Variants in ADAMTS16 observed in about 807,000 individuals in gnomAD.
ADAMTS16 encodes the protein ADAM metallopeptidase with thrombospondin type 1 motif 16.
A neutral mutation model predicts 145.8 loss-of-function variants in ADAMTS16; 94 were observed. The observed-to-expected ratio is 0.64, with a 90% CI of 0.55 to 0.77. The LOEUF is 0.77. ADAMTS16 is among the 30% of genes least tolerant of loss of function. The pLI is 0.00. For missense variants in ADAMTS16, 1,585 were observed against 1,591.5 expected (o/e 1.00, Z 0.07); for synonymous variants, 659 against 604.3 (o/e 1.09, Z -1.33).
At chr5:5,166,099 A>G (rs1187860703) in intron 3 of ADAMTS16, among the ~76,000 whole-genome samples, 1 of 152,138 alleles carries the variant, frequency 6.6e-6, no homozygotes, top group Non-Finnish European at 1.5e-5. Flanking sequence ...TGATAACTCT[A>G]AAATATCTCT....
intron 17 of ADAMTS16, among the ~76,000 whole-genome samples, chr5:5,262,187 A>G (rs1033495263): frequency 6.6e-6 from 1 of 152,188 alleles, no homozygotes; most frequent in African/African-American, 2.4e-5. Context: ...AGCTCTGTGC[A>G]TTCTCTGGTG....
At chr5:5,208,174 CCTGAG>C (rs1317922168) in intron 9 of ADAMTS16, among the ~76,000 whole-genome samples, 2 of 152,112 alleles carry the variant, frequency 1.3e-5, no homozygotes, top group Admixed American at 1.3e-4. Flanking sequence ...TGCACGGAGT[CCTGAG>C]CTCTGAAGCA....
chr5:5,221,061 C>G (rs765351029), intron 10 of ADAMTS16, among the ~76,000 whole-genome samples: 1 of 152,072 alleles, frequency 6.6e-6, no homozygotes, highest in African/African-American at 2.4e-5. Context: ...CCTAGTCTCC[C>G]GTTCTGACCT....
intron 17 of ADAMTS16, among the ~76,000 whole-genome samples, chr5:5,248,150 ATTTT>A (rs1389788026): frequency 6.6e-6 from 1 of 151,952 alleles, no homozygotes; most frequent in Admixed American, 6.5e-5. Flanking sequence ...AATTCGTTTG[ATTTT>A]TTTTCTTTTT....
chr5:5,227,526 TG>T (rs1419071104), intron 11 of ADAMTS16, among the ~76,000 whole-genome samples: 1 of 149,948 alleles, frequency 6.7e-6, no homozygotes, highest in Non-Finnish European at 1.5e-5. Flanking sequence ...TGTGTGTGTG[TG>T]TGTGTGTGTG....
chr5:5,262,735 G>A lies in ADAMTS16; in HGVS notation c.2741G>A (p.Arg914Gln), dbSNP rs758968575. Residue 914 changes from arginine (R) to glutamine (Q), a missense_variant, in exon 18 of 23, where the codon CGA becomes CAA. Arg to Gln is a conservative substitution (Grantham distance 43). This residue lies in a region of ADAMTS16 where 834 missense variants were observed against 811.7 expected (regional missense o/e 1.03). Transcript: ENST00000274181. ...VNMSFCNPKT[R>Q]PVTGLVPCKV... ...ATGTCCTTCTGCAATCCCAAGACAC[G>A]ACCTGTCACGGGGCTGGTGCCTTGC... is the stretch of plus-strand genomic sequence containing the variant. 9 of 1,614,212 alleles carry A rather than the reference G, an allele frequency of 5.6e-6. No individual in the cohort carries two copies. Among genetic ancestry groups the A allele is most frequent in the South Asian group, 1.1e-5 (1 of 91,070 alleles).
At chr5:5,193,162 TGCGC>T (rs1194988659) in intron 8 of ADAMTS16, among the ~76,000 whole-genome samples, 1,074 of 107,050 alleles carry the variant, frequency 0.01, 14 homozygotes, top group African/African-American at 0.028. Context: ...TGTGTGTGTG[TGCGC>T]GCGCGCACAT....
At chr5:5,231,511 GC>G (rs1736923598) in intron 11 of ADAMTS16, among the ~76,000 whole-genome samples, 1 of 151,662 alleles carries the variant, frequency 6.6e-6, no homozygotes, top group Admixed American at 6.6e-5. Context: ...GGTCTCCCCA[GC>G]CCACAGACCA....
Position 5,182,129 on chromosome 5 carries a change from A to G in ADAMTS16, c.587A>G (p.Gln196Arg), listed in dbSNP as rs72647742. Reference sequence around the variant, plus strand: ...TCATGGAAACTCGGCAGAGCTGCCCAAGGCAGCTCGCCATCCCACGTACTG... The same window carrying G: ...TCATGGAAACTCGGCAGAGCTGCCCGAGGCAGCTCGCCATCCCACGTACTG... ...HLSWKLGRAA[Q>R]GSSPSHVLYK... Residue 196 changes from glutamine (Q) to arginine (R), a missense_variant, in exon 4 of 23, where the codon CAA becomes CGA. Coordinates refer to ENST00000274181, the MANE Select transcript of ADAMTS16 (RefSeq NM_139056.4). 696 of 1,614,012 alleles carry G rather than the reference A, an allele frequency of 4.3e-4. No homozygotes were observed. In the Middle Eastern group the frequency reaches 8.4e-3, roughly 20 times the overall value.
intron 2 of ADAMTS16, among the ~76,000 whole-genome samples, chr5:5,143,849 A>C (rs1343741972): frequency 6.6e-6 from 1 of 152,194 alleles, no homozygotes; most frequent in Non-Finnish European, 1.5e-5. Flanking sequence ...ATGAAGCTGG[A>C]AACCATCGTT....
At chr5:5,278,901 C>G (rs57011473) in intron 18 of ADAMTS16, among the ~76,000 whole-genome samples, 1 of 151,662 alleles carries the variant, frequency 6.6e-6, no homozygotes, top group African/African-American at 2.4e-5. Context: ...GGGAAAAAAC[C>G]AATAAAAAAC....
rs1178354054 is a variant in ADAMTS16, at chr5:5,318,115, G to C, written c.3412-19G>C. On this transcript the variant is annotated intron_variant, in intron 21 of 22. Transcript: ENST00000274181. ...TGAGAGCCTGGGGCCATGGTGACAT[G>C]TGTGTGTTGCTCTCACAGTGCACGG... The C allele has an allele frequency of 1.4e-6, 2 of 1,400,564 alleles. No individual in the cohort carries two copies. 86.8% of individuals were successfully genotyped at this position (1,400,564 alleles called of 1,614,324 possible).
chr5:5,183,910 G>T (rs1423891208), intron 4 of ADAMTS16, among the ~76,000 whole-genome samples: 1 of 152,340 alleles, frequency 6.6e-6, no homozygotes, highest in African/African-American at 2.4e-5. Flanking sequence ...GTGGAAAAAA[G>T]TTCCCATGGT....
In ADAMTS16 at chr5:5,306,620, C is replaced by G. The variant is rs1275413732; in HGVS notation, c.3303C>G (p.Pro1101=). Residue 1101 remains proline, a synonymous_variant, in exon 21 of 23, where the codon CCC becomes CCG. Transcript: ENST00000274181. ...AGAAGTGCTCACATTTGCCGAAGCC[C>G]AGCCTGGAGCTGGAACGTGCCTGCG... ...ASKKCSHLPK[P]SLELERACAP... 6.2e-7 allele frequency: 1 copy of G among 1,614,188 alleles called. No homozygotes were observed. The highest frequency in any genetic ancestry group is 1.1e-5 in the South Asian group (1 of 91,086).
Position 5,250,736 on chromosome 5 carries a change from T to TGTGTGTGTGTGTGC in ADAMTS16, c.2662+8546_2662+8547insTGTGTGTGTGTGCG, listed in dbSNP as rs764397980. Among the ~76,000 whole-genome samples the TGTGTGTGTGTGTGC allele has an allele frequency of 1.2e-3, 177 of 141,922 alleles. 2 individuals are homozygous for TGTGTGTGTGTGTGC. The highest frequency in any genetic ancestry group is 0.012 in the South Asian group (54 of 4,482). 93.1% of individuals were successfully genotyped at this position (141,922 alleles called of 152,430 possible). A position where few individuals can be genotyped will look rare whatever the true frequency, so the allele number is the denominator to read the frequency against. ...GTGTGTGTGTGTGTGTGTGTGTGTG[T>TGTGTGTGTGTGTGC]GCGCGCACTCCTGGAGAGGCACAGA... On this transcript the variant is annotated intron_variant, in intron 17 of 22. Coordinates refer to ENST00000274181, the MANE Select transcript of ADAMTS16 (RefSeq NM_139056.4).
At chr5:5,276,491 G>A (rs1378005153) in intron 18 of ADAMTS16, among the ~76,000 whole-genome samples, 2 of 152,202 alleles carry the variant, frequency 1.3e-5, no homozygotes, top group African/African-American at 4.8e-5. Flanking sequence ...GAGGAATAAG[G>A]AATTTATACA....
At chr5:5,273,832 A>G (rs10044817) in intron 18 of ADAMTS16, among the ~76,000 whole-genome samples, 16,489 of 152,256 alleles carry the variant, frequency 0.11, 1,301 homozygotes, top group African/African-American at 0.23. Context: ...AACTTATTTC[A>G]TGAAACACTG....
intron 10 of ADAMTS16, among the ~76,000 whole-genome samples, chr5:5,219,397 C>A (rs948617073): frequency 2.0e-5 from 3 of 152,230 alleles, no homozygotes; most frequent in African/African-American, 7.2e-5. Context: ...TCCCCCTCCA[C>A]TACACTTCTC....
At chr5:5,275,466 A>C (rs1579368995) in intron 18 of ADAMTS16, among the ~76,000 whole-genome samples, 1 of 152,126 alleles carries the variant, frequency 6.6e-6, no homozygotes, top group East Asian at 1.9e-4. Context: ...ATTTATTTAA[A>C]TCTGTTATGT....
Sources: gnomAD v4.1 joint callset for allele counts (sites outside exome capture counted in the v4.1 genomes callset) on GRCh38, gnomAD v4.1.1 for gene constraint, gnomAD v4.1.1 regional missense constraint, MANE v1.5 for transcripts, NCBI Gene and HGNC (gene_info 2026-07-23, HGNC 2026-07-21) for gene names.